Variants in JMJD1C observed in about 807,000 individuals in gnomAD.
JMJD1C encodes the protein jumonji domain-containing protein 1C.
Under a neutral mutation model 245.3 loss-of-function variants are expected in JMJD1C, and 31 were observed. That is an observed-to-expected ratio of 0.13 (90% confidence interval 0.09 to 0.17). The LOEUF is 0.17. Ranked by LOEUF, JMJD1C falls within the 10% of genes least tolerant of loss-of-function variation. JMJD1C has a pLI of 1.00. For missense variants in JMJD1C, 2,691 were observed against 3,000.2 expected (o/e 0.90, Z 2.41); for synonymous variants, 1,057 against 1,017.4 (o/e 1.04, Z -0.74).
intron 1 of JMJD1C, among the ~76,000 whole-genome samples, chr10:63,457,944 A>G (rs1952520805): frequency 6.6e-6 from 1 of 152,212 alleles, no homozygotes; most frequent in African/African-American, 2.4e-5. Context: ...CTACTTAGCC[A>G]TGTATTCTAT....
At chr10:63,336,143 A>T (rs1411948174) in intron 2 of JMJD1C, among the ~76,000 whole-genome samples, 1 of 151,974 alleles carries the variant, frequency 6.6e-6, no homozygotes, top group Non-Finnish European at 1.5e-5. Flanking sequence ...AAAAAAAGAA[A>T]AAAACCACGT....
chr10:63,232,798 GGA>G (rs1218170618), intron 3 of JMJD1C, among the ~76,000 whole-genome samples: 3 of 151,992 alleles, frequency 2.0e-5, no homozygotes, highest in Admixed American at 2.0e-4. Flanking sequence ...ATGTTTCTAT[GGA>G]CTCATGATTT....
In JMJD1C at chr10:63,264,659, G is replaced by T; in HGVS notation, c.439C>A (p.Pro147Thr). The change falls in exon 3 of 26, where the codon CCC (proline) becomes ACC (threonine). Residue 147 changes from proline to threonine, a missense_variant. By Grantham distance (38) the Pro-to-Thr change is conservative. Coordinates refer to ENST00000399262, the MANE Select transcript of JMJD1C (RefSeq NM_032776.3). ...DFLTEDSAFQ[P>T]YQDDIDSLNP... ...AATCTAAAATTTCTTACCTGGTAGGGCTGAAAGGCACTATCTTCAGTTAAA... is the reference window on the plus strand; with the variant it reads ...AATCTAAAATTTCTTACCTGGTAGGTCTGAAAGGCACTATCTTCAGTTAAA... The T allele has an allele frequency of 1.4e-6, 2 of 1,478,204 alleles. No homozygotes were observed. Among genetic ancestry groups the T allele is most frequent in the Admixed American group, 1.9e-5 (1 of 51,666 alleles). 91.6% of individuals were successfully genotyped at this position (1,478,204 alleles called of 1,614,324 possible). A position where few individuals can be genotyped will look rare whatever the true frequency, so the allele number is the denominator to read the frequency against.
chr10:63,408,374 G>A (rs1949292517), intron 1 of JMJD1C, among the ~76,000 whole-genome samples: 1 of 151,840 alleles, frequency 6.6e-6, no homozygotes, highest in African/African-American at 2.4e-5. Context: ...TTGCACTCCA[G>A]CCTGGGCCAC....
intron 1 of JMJD1C, among the ~76,000 whole-genome samples, chr10:63,483,143 T>G (rs1274685595): frequency 6.6e-6 from 1 of 152,220 alleles, no homozygotes; most frequent in African/African-American, 2.4e-5. Context: ...GGATTGTTCA[T>G]TATTCATCAT....
At chr10:63,282,565 G>A (rs1215711696) in intron 2 of JMJD1C, among the ~76,000 whole-genome samples, 3 of 152,056 alleles carry the variant, frequency 2.0e-5, no homozygotes, top group East Asian at 3.8e-4. Flanking sequence ...TACAAATTAC[G>A]ATTCATTTAA....
chr10:63,214,362 G>C lies in JMJD1C; in HGVS notation c.1805C>G (p.Pro602Arg), dbSNP rs770246036. ...TTCCATGACAGAAACTGCACTTAAA[G>C]GAGAAATGTAAGAGACATACTTCTC... ...EKEKYVSYIS[P>R]LSAVSVMEDK... Residue 602 changes from proline to arginine, a missense_variant, in exon 8 of 26, where the codon CCT (proline) becomes CGT (arginine). This residue lies in a region of JMJD1C where 1,562 missense variants were observed against 1,490.7 expected (regional missense o/e 1.05). Coordinates refer to ENST00000399262, the MANE Select transcript of JMJD1C (RefSeq NM_032776.3). 3.1e-6 allele frequency: 5 copies of C among 1,613,904 alleles called. No homozygotes were observed. The East Asian group carries it at 8.9e-5, about 29-fold the overall frequency.
At chr10:63,173,084 G>A (rs551832061) in intron 24 of JMJD1C, among the ~76,000 whole-genome samples, 1 of 151,994 alleles carries the variant, frequency 6.6e-6, no homozygotes, top group African/African-American at 2.4e-5. Flanking sequence ...GGAACTGGGG[G>A]AAAAATGTGA....
At chr10:63,247,889 T>G (rs1247382099) in intron 3 of JMJD1C, among the ~76,000 whole-genome samples, 1 of 152,034 alleles carries the variant, frequency 6.6e-6, no homozygotes, top group Non-Finnish European at 1.5e-5. Flanking sequence ...AGGGAATACT[T>G]CCAAACTCAT....
At chr10:63,252,792 T>C (rs959991144) in intron 3 of JMJD1C, among the ~76,000 whole-genome samples, 7 of 152,186 alleles carry the variant, frequency 4.6e-5, no homozygotes, top group African/African-American at 1.7e-4. Context: ...CAAAATACTA[T>C]GCATACAGCT....
intron 4 of JMJD1C, among the ~76,000 whole-genome samples, chr10:63,218,309 A>AAT (rs371128859): frequency 2.4e-4 from 37 of 151,932 alleles, no homozygotes; most frequent in African/African-American, 6.3e-4. Flanking sequence ...GCCAGCTTTA[A>AAT]ATATATATAT....
intron 8 of JMJD1C, 103 bp from the exon 9 acceptor site, chr10:63,209,338 GTTCA>G: frequency 1.2e-6 from 1 of 859,842 alleles, no homozygotes; most frequent in Non-Finnish European, 1.6e-6. Flanking sequence ...TGGTTTATTA[GTTCA>G]TTCAAATAGC....
chr10:63,216,462 G>A (rs1477139326), intron 5 of JMJD1C, among the ~76,000 whole-genome samples: 1 of 152,092 alleles, frequency 6.6e-6, no homozygotes, highest in Admixed American at 6.5e-5. Flanking sequence ...TGTAATCCCA[G>A]CACTTTGGGA....
At chr10:63,473,025 T>C (rs906540503) in intron 1 of JMJD1C, among the ~76,000 whole-genome samples, 1 of 151,622 alleles carries the variant, frequency 6.6e-6, no homozygotes, top group African/African-American at 2.4e-5. Flanking sequence ...CCTCATGATC[T>C]GCCCTCCTCG....
intron 1 of JMJD1C, among the ~76,000 whole-genome samples, chr10:63,512,954 A>G (rs929650198): frequency 2.0e-5 from 3 of 152,098 alleles, no homozygotes; most frequent in Non-Finnish European, 4.4e-5. Flanking sequence ...GAGATTTTTA[A>G]AAGTCCAGTA....
intron 1 of JMJD1C, among the ~76,000 whole-genome samples, chr10:63,437,021 T>A (rs1429418204): frequency 6.6e-6 from 1 of 152,178 alleles, no homozygotes; most frequent in African/African-American, 2.4e-5. Flanking sequence ...AAATGTAAAA[T>A]CCTAGGTCTA....
At chr10:63,199,478 C>G (rs1399488870) in intron 11 of JMJD1C, among the ~76,000 whole-genome samples, 1 of 152,042 alleles carries the variant, frequency 6.6e-6, no homozygotes, top group Non-Finnish European at 1.5e-5. Context: ...CTTTATTATT[C>G]TTTCCAAAGC....
At chr10:63,414,885 C>A (rs1052532517) in intron 1 of JMJD1C, among the ~76,000 whole-genome samples, 16 of 144,918 alleles carry the variant, frequency 1.1e-4, no homozygotes, top group African/African-American at 3.6e-4. Context: ...CCAGCCTGGG[C>A]GATACAGCAA....
intron 11 of JMJD1C, among the ~76,000 whole-genome samples, 179 bp downstream of exon 11, chr10:63,200,297 A>T (rs1177167186): frequency 6.6e-6 from 1 of 152,204 alleles, no homozygotes; most frequent in Admixed American, 6.5e-5. Context: ...TTAGTCTTAT[A>T]GTTAGAAATT....
Sources: allele counts gnomAD v4.1 joint callset (sites outside exome capture counted in the v4.1 genomes callset), GRCh38; gene constraint gnomAD v4.1.1; regional missense constraint gnomAD v4.1.1; transcripts MANE v1.5; gene names NCBI Gene and HGNC (gene_info 2026-07-23, HGNC 2026-07-21).